STAT3: variants seen among roughly 807,000 people sequenced by gnomAD.
STAT3 encodes signal transducer and activator of transcription 3, also known as DNA-binding protein APRF.
Under a neutral mutation model 114.3 loss-of-function variants are expected in STAT3, and 7 were observed. That is an observed-to-expected ratio of 0.06 (90% confidence interval 0.03 to 0.11). The LOEUF is 0.11. Ranked by LOEUF, STAT3 falls within the 10% of genes least tolerant of loss-of-function variation. The probability of loss-of-function intolerance (pLI) is 1.00; values close to 1 mark genes in which losing one functional copy is unlikely to be tolerated. For synonymous variants in STAT3, 331 were observed against 354.5 expected (o/e 0.93, Z 0.74); for missense variants, 364 against 960.9 (o/e 0.38, Z 8.21).
intron 1 of STAT3, among the ~76,000 whole-genome samples, chr17:42,366,596 A>G (rs546204369): frequency 6.8e-6 from 1 of 146,494 alleles, no homozygotes; most frequent in Admixed American, 7.0e-5. Context: ...ACTTGAGCCC[A>G]GGAGGCGGAG....
chr17:42,327,339 T>A (rs1390025265), intron 14 of STAT3, among the ~76,000 whole-genome samples: 1 of 152,220 alleles, frequency 6.6e-6, no homozygotes, highest in Non-Finnish European at 1.5e-5. Flanking sequence ...TATTGTTTAG[T>A]TTGGGACATT....
chr17:42,341,222 G>A (rs2082432135), intron 4 of STAT3, among the ~76,000 whole-genome samples: 1 of 152,318 alleles, frequency 6.6e-6, no homozygotes, highest in South Asian at 2.1e-4. Context: ...GTAAAAAACT[G>A]TATTGGCTCC....
intron 1 of STAT3, among the ~76,000 whole-genome samples, chr17:42,383,973 G>C (rs898465506): frequency 3.9e-5 from 6 of 152,270 alleles, no homozygotes; most frequent in African/African-American, 1.4e-4. Context: ...TCAGACTCCA[G>C]TTAATAACTC....
At position 42,337,746 on chromosome 17, in the gene STAT3, C is replaced by A; in HGVS notation, c.645+17G>T. On this transcript the variant is annotated intron_variant, in intron 7 of 23. Coordinates refer to ENST00000264657, the MANE Select transcript of STAT3 (RefSeq NM_139276.3). The surrounding 1 kb of genome is among the most constrained non-coding windows in gnomAD (Gnocchi z 4.0). ...GAGCGAGACACATGGGGGAAGTGGT[C>A]CGACCTATGCCCTTACTCTCCGCAT... 6.2e-7 allele frequency: 1 copy of A among 1,614,106 alleles called. No homozygotes were observed. Among genetic ancestry groups the A allele is most frequent in the South Asian group, 1.1e-5 (1 of 91,038 alleles).
intron 2 of STAT3, 135 bp downstream of exon 2, chr17:42,348,254 C>A: frequency 1.5e-6 from 2 of 1,321,874 alleles, no homozygotes; most frequent in Non-Finnish European, 2.1e-6. Context: ...GCCCCTTTAT[C>A]TCCTGATCTC....
At chr17:42,384,054 G>A (rs1285222594) in intron 1 of STAT3, among the ~76,000 whole-genome samples, 1 of 152,086 alleles carries the variant, frequency 6.6e-6, no homozygotes, top group Non-Finnish European at 1.5e-5. Flanking sequence ...TCAGGCCTGT[G>A]CCTAACACAT....
intron 1 of STAT3, among the ~76,000 whole-genome samples, chr17:42,353,535 GC>G (rs899912587): frequency 5.9e-5 from 9 of 152,098 alleles, no homozygotes; most frequent in Non-Finnish European, 1.2e-4. Flanking sequence ...AGAACCAACT[GC>G]TTTTTGTAAT....
chr17:42,385,919 G>A (rs1042064258), intron 1 of STAT3, among the ~76,000 whole-genome samples: 2 of 152,052 alleles, frequency 1.3e-5, no homozygotes, highest in African/African-American at 4.8e-5. Flanking sequence ...CCTGTTTATT[G>A]AATATTTACC....
At chr17:42,371,624 C>T (rs1240524902) in intron 1 of STAT3, among the ~76,000 whole-genome samples, 3 of 146,602 alleles carry the variant, frequency 2.0e-5, no homozygotes, top group Non-Finnish European at 3.0e-5. Context: ...TGCAGTGAGC[C>T]GAGATTGTGC....
intron 10 of STAT3, among the ~76,000 whole-genome samples, chr17:42,332,346 T>C (rs2082054612): frequency 6.6e-6 from 1 of 150,464 alleles, no homozygotes; most frequent in Admixed American, 6.6e-5. Context: ...GAGACCAGCC[T>C]GGCCAAGATG....
In STAT3 at chr17:42,319,201, G is replaced by C. The variant is rs975481097; in HGVS notation, c.2102-1977C>G. On this transcript the variant is annotated intron_variant, in intron 21 of 23. Transcript: ENST00000264657. ...TGAAGTGAGGTGAGATCGCACCACT[G>C]CACTCCAGCCTGGGTGACAGAGTGA... Among the ~76,000 whole-genome samples the C allele has an allele frequency of 7.2e-5, 11 of 151,934 alleles. No homozygotes were observed. The East Asian group carries it at 1.9e-3, about 27-fold the overall frequency.
chr17:42,386,611 C>G (rs2085118822), intron 1 of STAT3, among the ~76,000 whole-genome samples: 1 of 152,128 alleles, frequency 6.6e-6, no homozygotes, highest in Admixed American at 6.6e-5. Context: ...TTGCCCAGAC[C>G]AGACTCAACT....
rs2081198484 is a variant in STAT3 at position 42,314,975 on chromosome 17, C to G, written c.*770G>C. ...TCTCAGGTTCAAGCGATTCTCCTGC[C>G]TCAGCCTCCCGAGTAGCTGGGACTA... is the stretch of plus-strand genomic sequence containing the variant. On this transcript the variant is annotated 3_prime_UTR_variant, in exon 24 of 24. Transcript: ENST00000264657. The G allele has an allele frequency of 5.6e-6, 1 of 177,166 alleles. No individual in the cohort carries two copies. Among genetic ancestry groups the G allele is most frequent in the Non-Finnish European group, 1.2e-5 (1 of 82,730 alleles). The allele number at this position is 177,166 out of a possible 1,614,324, so 11.0% of individuals were successfully genotyped here.
chr17:42,346,424 A>G lies in STAT3; in HGVS notation c.273+145T>C, dbSNP rs117120730. 6,643 of 1,193,954 alleles carry G rather than the reference A, an allele frequency of 5.6e-3. 54 individuals carry two copies. Among genetic ancestry groups the G allele is most frequent in the Non-Finnish European group, 5.9e-3 (4,869 of 829,894 alleles). 74.0% of individuals were successfully genotyped at this position (1,193,954 alleles called of 1,614,324 possible). ...GGGTAAGTATACAGAGCTTTGAGAA[A>G]GGGCTAATTACTTCTCCTGTGATTG... On this transcript the variant is annotated intron_variant, in intron 3 of 23. Transcript: ENST00000264657.
intron 1 of STAT3, among the ~76,000 whole-genome samples, chr17:42,386,334 G>A (rs943862520): frequency 2.6e-5 from 4 of 151,698 alleles, no homozygotes; most frequent in Admixed American, 6.6e-5. Context: ...TATACAGAAG[G>A]AGGCACAAAT....
chr17:42,315,780 C>A lies in STAT3; in HGVS notation c.2278G>T (p.Glu760Ter). The change falls in exon 24 of 24, where the codon GAG becomes TAG. Residue 760 changes from glutamate to a stop codon, truncating the protein, a stop_gained. Transcript: ENST00000264657. LOFTEE classifies it high-confidence loss of function. ...GAGGTAGCGCACTCCGAGGTCAACTCCATGTCAAAGGTGAGGGACTCTGGA... is the reference window on the plus strand; with the variant it reads ...GAGGTAGCGCACTCCGAGGTCAACTACATGTCAAAGGTGAGGGACTCTGGA... ...GQFESLTFDM[E>*]LTSECATSPM 6.2e-7 allele frequency: 1 copy of A among 1,614,084 alleles called. No homozygotes were observed. The highest frequency in any genetic ancestry group is 8.5e-7 in the Non-Finnish European group (1 of 1,180,006).
chr17:42,328,007 C>T (rs946525596), intron 14 of STAT3, among the ~76,000 whole-genome samples: 1 of 150,742 alleles, frequency 6.6e-6, no homozygotes, highest in South Asian at 2.1e-4. Context: ...GATCGCACCA[C>T]TGCAATCCGA....
chr17:42,377,414 G>A (rs970031052), intron 1 of STAT3, among the ~76,000 whole-genome samples: 3 of 151,874 alleles, frequency 2.0e-5, no homozygotes, highest in South Asian at 2.1e-4. Flanking sequence ...TTAAACATGA[G>A]GTATATACAC....
intron 1 of STAT3, among the ~76,000 whole-genome samples, chr17:42,361,851 A>G (rs1297374754): frequency 1.3e-5 from 2 of 152,184 alleles, no homozygotes; most frequent in African/African-American, 4.8e-5. Flanking sequence ...TTTGATTTAC[A>G]TTTCAAAAAG....
Sources: gnomAD v4.1 joint callset for allele counts (sites outside exome capture counted in the v4.1 genomes callset) on GRCh38, gnomAD v4.1.1 for gene constraint, Gnocchi (gnomAD v3.1) non-coding constraint, MANE v1.5 for transcripts, NCBI Gene and HGNC (gene_info 2026-07-23, HGNC 2026-07-21) for gene names.